NRP1: variants seen among roughly 807,000 people sequenced by gnomAD.
NRP1 encodes neuropilin-1.
A neutral mutation model predicts 106.7 loss-of-function variants in NRP1; 35 were observed. The observed-to-expected ratio is 0.33, with a 90% CI of 0.25 to 0.43. The LOEUF (loss-of-function observed/expected upper bound fraction) is 0.43. Ranked by LOEUF, NRP1 falls within the 20% of genes least tolerant of loss-of-function variation. The probability of loss-of-function intolerance (pLI) is 1.00; values close to 1 mark genes in which losing one functional copy is unlikely to be tolerated. For missense variants in NRP1, 1,024 were observed against 1,170.4 expected (o/e 0.87, Z 1.83); for synonymous variants, 437 against 417.9 (o/e 1.05, Z -0.56).
At chr10:33,228,368 T>A (rs1293532307) in intron 6 of NRP1, among the ~76,000 whole-genome samples, 3 of 151,796 alleles carry the variant, frequency 2.0e-5, no homozygotes, top group Non-Finnish European at 4.4e-5. Flanking sequence ...AGAGAGAAAC[T>A]CTGACTCGAA....
At chr10:33,269,711 A>G (rs2133289479) in intron 3 of NRP1, among the ~76,000 whole-genome samples, 1 of 152,236 alleles carries the variant, frequency 6.6e-6, no homozygotes, top group East Asian at 1.9e-4. Context: ...CACTGGCACT[A>G]CCACCTGAAC....
chr10:33,279,140 C>A (rs971179564), intron 2 of NRP1, among the ~76,000 whole-genome samples: 7 of 152,178 alleles, frequency 4.6e-5, no homozygotes, highest in Admixed American at 4.6e-4. Context: ...GTATGTCTAG[C>A]AGATAGTGTA....
chr10:33,226,330 C>T, intron 6 of NRP1, 41 bp from the exon 7 acceptor site: 1 of 1,605,682 alleles, frequency 6.2e-7, no homozygotes, highest in Non-Finnish European at 8.5e-7. Flanking sequence ...ACCATCCCTG[C>T]AGCACAGTAA....
intron 2 of NRP1, among the ~76,000 whole-genome samples, chr10:33,280,908 G>A (rs991242398): frequency 1.3e-5 from 2 of 151,866 alleles, no homozygotes; most frequent in Non-Finnish European, 2.9e-5. Context: ...CTTGAACCTG[G>A]GAGGTTGAAC....
chr10:33,307,465 TA>T, intron 2 of NRP1, among the ~76,000 whole-genome samples: 1 of 152,156 alleles, frequency 6.6e-6, no homozygotes, highest in Non-Finnish European at 1.5e-5. Flanking sequence ...ATTCCTGATT[TA>T]AAATATCAAT....
intron 2 of NRP1, among the ~76,000 whole-genome samples, chr10:33,322,175 C>A (rs1847556957): frequency 6.6e-6 from 1 of 152,118 alleles, no homozygotes. Context: ...AGAACAAGCA[C>A]TGGACACAGT....
chr10:33,196,827 G>GC (rs1836820739), intron 12 of NRP1, among the ~76,000 whole-genome samples: 1 of 152,086 alleles, frequency 6.6e-6, no homozygotes, highest in Non-Finnish European at 1.5e-5. Context: ...TACACCACAC[G>GC]CCCCATTAAT....
chr10:33,186,582 C>T (rs949927446), intron 13 of NRP1, 94 bp from the exon 14 acceptor site: 11 of 1,433,586 alleles, frequency 7.7e-6, no homozygotes, highest in Middle Eastern at 1.8e-4. Context: ...AAGCTTCCTG[C>T]GCTGAGCACC....
chr10:33,220,793 C>G (rs768437693), intron 8 of NRP1, among the ~76,000 whole-genome samples: 3 of 146,102 alleles, frequency 2.1e-5, no homozygotes, highest in Non-Finnish European at 4.5e-5. Flanking sequence ...ACCAGCTACT[C>G]AGGAGGCTGA....
chr10:33,281,205 A>C (rs528424093), intron 2 of NRP1, among the ~76,000 whole-genome samples: 1 of 152,068 alleles, frequency 6.6e-6, no homozygotes, highest in South Asian at 2.1e-4. Flanking sequence ...AAGCACCACC[A>C]CACCCAGCTA....
intron 12 of NRP1, 75 bp downstream of exon 12, chr10:33,197,575 C>CTT: frequency 8.5e-7 from 1 of 1,179,956 alleles, no homozygotes; most frequent in South Asian, 1.6e-5. Flanking sequence ...TTCAGAGAAA[C>CTT]TGAAAGCGAG....
intron 7 of NRP1, among the ~76,000 whole-genome samples, chr10:33,224,844 C>T (rs555831034): frequency 2.6e-5 from 4 of 152,250 alleles, no homozygotes; most frequent in Admixed American, 6.5e-5. Context: ...CCTGAAGTAG[C>T]GCTTATTTTA....
intron 2 of NRP1, among the ~76,000 whole-genome samples, chr10:33,275,461 G>A (rs1194045310): frequency 5.9e-5 from 9 of 152,106 alleles, no homozygotes; most frequent in Non-Finnish European, 1.0e-4. Context: ...CCAGCTACTC[G>A]GGAGGCTGAG....
At chr10:33,225,952 C>T (rs1408209041) in intron 7 of NRP1, among the ~76,000 whole-genome samples, 182 bp downstream of exon 7, 1 of 152,174 alleles carries the variant, frequency 6.6e-6, no homozygotes, top group Non-Finnish European at 1.5e-5. Context: ...ATAATTTCCT[C>T]CCGGCTTCTG....
intron 6 of NRP1, chr10:33,249,655 C>G (rs535450946): frequency 2.7e-6 from 1 of 366,482 alleles, no homozygotes; most frequent in Non-Finnish European, 5.3e-6. Context: ...GAAAAAAAGG[C>G]AGGGCAGGCA....
intron 6 of NRP1, among the ~76,000 whole-genome samples, chr10:33,248,915 T>C (rs16934266): frequency 0.023 from 3,457 of 152,224 alleles, 122 homozygotes; most frequent in African/African-American, 0.079. Context: ...TACCACAATT[T>C]TTTTCCACAA....
chr10:33,188,910 AATATATATATATATAT>A (rs9299704), intron 13 of NRP1, among the ~76,000 whole-genome samples: 1 of 111,358 alleles, frequency 9.0e-6, no homozygotes, highest in African/African-American at 4.1e-5. Flanking sequence ...CCCTGTCTTA[AATATATATATATATAT>A]ATATATATAT....
At chr10:33,216,288 C>T (rs1372006634) in intron 8 of NRP1, among the ~76,000 whole-genome samples, 2 of 151,748 alleles carry the variant, frequency 1.3e-5, no homozygotes, top group African/African-American at 2.4e-5. Context: ...CAGGCGCCTG[C>T]CACCACGCCC....
chr10:33,266,424 A>G (rs765503964), intron 3 of NRP1, among the ~76,000 whole-genome samples: 1 of 152,226 alleles, frequency 6.6e-6, no homozygotes, highest in Non-Finnish European at 1.5e-5. Flanking sequence ...AATTCTGCGC[A>G]TGACAAATGT....
Sources: allele counts gnomAD v4.1 joint callset (sites outside exome capture counted in the v4.1 genomes callset), GRCh38; gene constraint gnomAD v4.1.1; transcripts MANE v1.5; gene names NCBI Gene and HGNC (gene_info 2026-07-23, HGNC 2026-07-21).